Variants in ST7L observed in about 807,000 individuals in gnomAD.
ST7L encodes suppressor of tumorigenicity 7 protein-like.
In ST7L, 57 loss-of-function variants were observed where a neutral mutation model predicts 72.5. The ratio of observed to expected loss-of-function variants is 0.79; its 90% CI spans 0.64 to 0.98. ST7L has a LOEUF of 0.98. Ranked by LOEUF, ST7L falls within the 50% of genes least tolerant of loss-of-function variation. ST7L has a pLI of 0.00. For synonymous variants in ST7L, 221 were observed against 240.9 expected (o/e 0.92, Z 0.77); for missense variants, 576 against 672.2 (o/e 0.86, Z 1.58).
At chr1:112,536,778 C>A (rs1166517294) in intron 14 of ST7L, among the ~76,000 whole-genome samples, 1 of 152,066 alleles carries the variant, frequency 6.6e-6, no homozygotes, top group Admixed American at 6.6e-5. Flanking sequence ...CATGTCCAAC[C>A]ACATTTTCCC....
intron 13 of ST7L, among the ~76,000 whole-genome samples, chr1:112,547,266 C>T (rs908474335): frequency 1.3e-5 from 2 of 150,568 alleles, no homozygotes; most frequent in Admixed American, 6.6e-5. Context: ...GATCTCGGCT[C>T]ACTGCAACCT....
intron 2 of ST7L, 123 bp from the exon 3 acceptor site, chr1:112,611,126 A>G: frequency 1.2e-6 from 1 of 855,334 alleles, no homozygotes; most frequent in African/African-American, 1.7e-5. Flanking sequence ...CCTTTCAAAA[A>G]GAAAAAAACA....
chr1:112,535,675 A>G (rs1249686773), intron 14 of ST7L, among the ~76,000 whole-genome samples: 1 of 151,846 alleles, frequency 6.6e-6, no homozygotes, highest in Non-Finnish European at 1.5e-5. Flanking sequence ...GTGAGCCGAG[A>G]TGGCACCACT....
chr1:112,565,211 ATTTTTTTTTTTTTTTTT>A (rs777969643), intron 11 of ST7L, among the ~76,000 whole-genome samples: 3 of 57,940 alleles, frequency 5.2e-5, no homozygotes, highest in East Asian at 5.4e-4. Context: ...TGTTCGGCTA[ATTTTTTTTTTTTTTTTT>A]TTTTTTTTTT....
chr1:112,571,066 A>G (rs1188356402), intron 11 of ST7L, among the ~76,000 whole-genome samples: 2 of 152,142 alleles, frequency 1.3e-5, no homozygotes, highest in African/African-American at 4.8e-5. Context: ...GCCACTTAGG[A>G]GGCTGAGGCA....
intron 11 of ST7L, among the ~76,000 whole-genome samples, chr1:112,557,187 A>C (rs1004737451): frequency 6.6e-6 from 1 of 152,094 alleles, no homozygotes; most frequent in South Asian, 2.1e-4. Flanking sequence ...TGCCAAAGTC[A>C]ATTTTAGAAC....
At chr1:112,539,762 T>A (rs1655811513) in intron 14 of ST7L, 1 of 985,344 alleles carries the variant, frequency 1.0e-6, no homozygotes, top group Non-Finnish European at 1.2e-6. Context: ...TTGGAAATCC[T>A]GCACAAATAT....
chr1:112,592,186 T>A (rs1665823605), intron 5 of ST7L, among the ~76,000 whole-genome samples: 1 of 152,122 alleles, frequency 6.6e-6, no homozygotes, highest in South Asian at 2.1e-4. Context: ...TTCTTTGGAA[T>A]ATTAATTTTG....
chr1:112,568,631 G>C (rs1352080528), intron 11 of ST7L, among the ~76,000 whole-genome samples: 2 of 150,202 alleles, frequency 1.3e-5, no homozygotes, highest in African/African-American at 4.9e-5. Flanking sequence ...CACTGCGCCT[G>C]GCCAATAATA....
chr1:112,568,422 T>C (rs1661420105), intron 11 of ST7L, among the ~76,000 whole-genome samples: 4 of 149,812 alleles, frequency 2.7e-5, no homozygotes, highest in South Asian at 2.1e-4. Context: ...CTGCAAGCTC[T>C]GCCTCCCAGG....
intron 3 of ST7L, among the ~76,000 whole-genome samples, chr1:112,602,083 CAAAAAAAAA>C (rs71584754): frequency 2.2e-5 from 2 of 89,060 alleles, no homozygotes; most frequent in African/African-American, 3.9e-5. Flanking sequence ...AAACTCCATC[CAAAAAAAAA>C]AAAAAAAAAA....
At chr1:112,616,549 C>A (rs1350762776) in intron 2 of ST7L, among the ~76,000 whole-genome samples, 2 of 152,002 alleles carry the variant, frequency 1.3e-5, no homozygotes, top group African/African-American at 2.4e-5. Flanking sequence ...TGGAGACCAG[C>A]CTGACCAATA....
intron 11 of ST7L, among the ~76,000 whole-genome samples, chr1:112,574,369 G>GA (rs1209111918): frequency 2.3e-3 from 341 of 148,334 alleles, no homozygotes; most frequent in African/African-American, 7.7e-3. Context: ...GTCTTAAAAA[G>GA]AAAAAAAAAG....
chr1:112,560,931 C>G (rs751519857), intron 11 of ST7L, among the ~76,000 whole-genome samples: 1 of 150,540 alleles, frequency 6.6e-6, no homozygotes, highest in Non-Finnish European at 1.5e-5. Context: ...CCATTGCACT[C>G]CAGCCTGGGC....
At chr1:112,573,211 G>A (rs1376760613) in intron 11 of ST7L, among the ~76,000 whole-genome samples, 2 of 151,924 alleles carry the variant, frequency 1.3e-5, no homozygotes, top group African/African-American at 4.8e-5. Context: ...AGCTGGGTAT[G>A]GTGGCGCATG....
At chr1:112,602,083 C>CAAAAAAAAAAAAAAA (rs71584754) in intron 3 of ST7L, among the ~76,000 whole-genome samples, 1 of 89,086 alleles carries the variant, frequency 1.1e-5, no homozygotes, top group Admixed American at 1.4e-4. Context: ...AAACTCCATC[C>CAAAAAAAAAAAAAAA]AAAAAAAAAA....
chr1:112,529,634 C>G (rs547507687), intron 14 of ST7L: 2 of 151,118 alleles, frequency 1.3e-5, no homozygotes, highest in South Asian at 4.2e-4. Flanking sequence ...ACTTGTATAA[C>G]TGGTTAAGCA....
At chr1:112,542,199 T>A in intron 13 of ST7L, 109 bp from the exon 14 acceptor site, 2 of 1,170,084 alleles carry the variant, frequency 1.7e-6, no homozygotes, top group Non-Finnish European at 2.3e-6. Flanking sequence ...AAAAAAAATT[T>A]AAAAAGGAAA....
chr1:112,595,074 G>T (rs1353894764), intron 5 of ST7L, among the ~76,000 whole-genome samples: 1 of 152,014 alleles, frequency 6.6e-6, no homozygotes, highest in East Asian at 1.9e-4. Flanking sequence ...CTGTTAAAGG[G>T]CATTTGGTAA....
Sources: allele counts gnomAD v4.1 joint callset (sites outside exome capture counted in the v4.1 genomes callset), GRCh38; gene constraint gnomAD v4.1.1; transcripts MANE v1.5; gene names NCBI Gene and HGNC (gene_info 2026-07-23, HGNC 2026-07-21).